Variants in DPP10 observed in about 807,000 individuals in gnomAD.
DPP10 encodes the protein dipeptidyl peptidase like 10.
Under a neutral mutation model 120.9 loss-of-function variants are expected in DPP10, and 33 were observed. The observed-to-expected ratio is 0.27, with a 90% CI of 0.21 to 0.37. The LOEUF (loss-of-function observed/expected upper bound fraction) is 0.37. Ranked by LOEUF, DPP10 falls within the 10% of genes least tolerant of loss-of-function variation. The pLI is 1.00. For synonymous variants in DPP10, 337 were observed against 326.1 expected, an observed-to-expected ratio of 1.03 and a Z score of -0.36; for missense variants, 816 against 942.8, an observed-to-expected ratio of 0.87 and a Z score of 1.76.
intron 1 of DPP10, among the ~76,000 whole-genome samples, chr2:114,878,193 A>G (rs1691310144): frequency 6.6e-6 from 1 of 152,072 alleles, no homozygotes; most frequent in Admixed American, 6.6e-5. Context: ...AGTCACTCAA[A>G]CGGATTGATT....
At chr2:114,523,941 A>G (rs948668726) in intron 1 of DPP10, among the ~76,000 whole-genome samples, 6 of 152,192 alleles carry the variant, frequency 3.9e-5, no homozygotes, top group South Asian at 4.1e-4. Flanking sequence ...TCGAAATGAA[A>G]AGAAATAATT....
chr2:115,291,346 C>T (rs918048696), intron 1 of DPP10, among the ~76,000 whole-genome samples: 21 of 151,992 alleles, frequency 1.4e-4, no homozygotes, highest in Admixed American at 1.1e-3. Flanking sequence ...GTTTCCCGGA[C>T]TAAATACTCA....
rs547453162 is a variant in DPP10, at chr2:115,133,178, G to GTT, written c.61-176047_61-176046dup. 4.5e-3 allele frequency among the ~76,000 whole-genome samples: 280 copies of GTT among 61,616 alleles called. 4 individuals carry two copies. The highest frequency in any genetic ancestry group is 0.019 in the African/African-American group (263 of 13,856). 40.4% of individuals were successfully genotyped at this position (61,616 alleles called of 152,430 possible). On this transcript the variant is annotated intron_variant, in intron 1 of 25. Coordinates refer to ENST00000410059, the MANE Select transcript of DPP10 (RefSeq NM_020868.6). The stretch of plus-strand genomic sequence containing the variant: ...ATATATATATATATATATATATATA[G>GTT]TTTTTTTTTTTTTTTCTTGAGACAG...
At chr2:114,673,748 G>C (rs1348184575) in intron 1 of DPP10, among the ~76,000 whole-genome samples, 1 of 151,996 alleles carries the variant, frequency 6.6e-6, no homozygotes, top group Non-Finnish European at 1.5e-5. Context: ...TTTTCTAAGT[G>C]TTATGAAAAA....
chr2:115,245,110 C>T (rs2058474521), intron 1 of DPP10, among the ~76,000 whole-genome samples: 1 of 151,924 alleles, frequency 6.6e-6, no homozygotes, highest in South Asian at 2.1e-4. Context: ...TTTTCCATCC[C>T]TGAGTTACTT....
intron 2 of DPP10, among the ~76,000 whole-genome samples, chr2:115,328,575 A>G (rs2062503122): frequency 6.6e-6 from 1 of 152,098 alleles, no homozygotes; most frequent in African/African-American, 2.4e-5. Flanking sequence ...GAATCCTAAG[A>G]GATGCAAGCT....
In DPP10 at chr2:114,919,881, G is replaced by A. The variant is rs549932115; in HGVS notation, c.61-389358G>A. On this transcript the variant is annotated intron_variant, in intron 1 of 25. Coordinates refer to ENST00000410059, the MANE Select transcript of DPP10 (RefSeq NM_020868.6). ...TGGGATAGAATGATTAGAAGAGACAGGTGCCAGTTGGTCACCTCTCCCTCC... is the reference window on the plus strand; with the variant it reads ...TGGGATAGAATGATTAGAAGAGACAAGTGCCAGTTGGTCACCTCTCCCTCC... Among the ~76,000 whole-genome samples the A allele has an allele frequency of 4.6e-5, 7 of 152,222 alleles. No homozygotes were observed. The East Asian group carries it at 1.4e-3, about 29-fold the overall frequency.
intron 1 of DPP10, among the ~76,000 whole-genome samples, chr2:114,533,391 GA>G (rs1489782572): frequency 6.6e-6 from 1 of 151,962 alleles, no homozygotes; most frequent in African/African-American, 2.4e-5. Context: ...CACTTCTTAA[GA>G]AAGGAAAAGG....
intron 1 of DPP10, among the ~76,000 whole-genome samples, chr2:115,126,666 G>GTTCCGA (rs1317166513): frequency 1.3e-4 from 20 of 152,234 alleles, no homozygotes; most frequent in African/African-American, 4.6e-4. Context: ...TGTTCTTGCT[G>GTTCCGA]TTCCGATGCT....
intron 1 of DPP10, among the ~76,000 whole-genome samples, chr2:115,157,673 C>T (rs1010677549): frequency 7.9e-5 from 12 of 152,094 alleles, no homozygotes; most frequent in Non-Finnish European, 1.5e-4. Context: ...ATTCAAAACC[C>T]GATTGAGGTG....
At chr2:115,373,731 A>T (rs36000676) in intron 3 of DPP10, among the ~76,000 whole-genome samples, 4,948 of 152,028 alleles carry the variant, frequency 0.033, 94 homozygotes, top group South Asian at 0.06. Context: ...GCTACAAATA[A>T]CCACCTGAGA....
intron 3 of DPP10, among the ~76,000 whole-genome samples, chr2:115,416,114 A>G (rs1053787388): frequency 2.0e-5 from 3 of 151,992 alleles, no homozygotes; most frequent in Non-Finnish European, 4.4e-5. Flanking sequence ...AATACTTGAA[A>G]TTATATTTTG....
Position 114,799,993 on chromosome 2 carries a change from T to A in DPP10, c.60+357155T>A, listed in dbSNP as rs528779096. Among the ~76,000 whole-genome samples, 3 of 152,366 alleles carry A rather than the reference T, an allele frequency of 2.0e-5. No individual in the cohort carries two copies. The South Asian group carries it at 6.2e-4, about 32-fold the overall frequency. ...AATATGAGGAATGTACAAACCTCTG[T>A]TATTTTGCACAGCTCAGTTTAACAC... On this transcript the variant is annotated intron_variant, in intron 1 of 25. Coordinates refer to ENST00000410059, the MANE Select transcript of DPP10 (RefSeq NM_020868.6).
At chr2:115,644,374 C>T (rs1304325577) in intron 5 of DPP10, among the ~76,000 whole-genome samples, 1 of 152,108 alleles carries the variant, frequency 6.6e-6, no homozygotes, top group Non-Finnish European at 1.5e-5. Context: ...CAAGTGTTCT[C>T]ATTGTTCAAT....
chr2:115,295,043 CAAAATGA>C (rs112716617), intron 1 of DPP10, among the ~76,000 whole-genome samples: 34 of 152,182 alleles, frequency 2.2e-4, no homozygotes, highest in African/African-American at 7.9e-4. Context: ...ATGATTCACG[CAAAATGA>C]ACTTTTAGAG....
At chr2:115,395,531 A>C (rs1574699069) in intron 3 of DPP10, among the ~76,000 whole-genome samples, 1 of 152,202 alleles carries the variant, frequency 6.6e-6, no homozygotes, top group East Asian at 1.9e-4. Flanking sequence ...CTTTCTTCCC[A>C]GGCCTTCCCT....
At chr2:115,665,353 T>C (rs2089362916) in intron 5 of DPP10, among the ~76,000 whole-genome samples, 1 of 152,212 alleles carries the variant, frequency 6.6e-6, no homozygotes, top group Non-Finnish European at 1.5e-5. Flanking sequence ...TTGAAAGATA[T>C]ACCATTATTT....
chr2:114,797,079 C>T (rs1191036099), intron 1 of DPP10, among the ~76,000 whole-genome samples: 1 of 152,146 alleles, frequency 6.6e-6, no homozygotes, highest in Admixed American at 6.5e-5. Flanking sequence ...TTTTCTATGA[C>T]CTCACCATGC....
chr2:115,661,923 A>C (rs192275159), intron 5 of DPP10, among the ~76,000 whole-genome samples: 135 of 152,302 alleles, frequency 8.9e-4, no homozygotes, highest in African/African-American at 3.1e-3. Context: ...TATATAAAAC[A>C]GTATCAACTA....
Sources: gnomAD v4.1 joint callset for allele counts (sites outside exome capture counted in the v4.1 genomes callset) on GRCh38, gnomAD v4.1.1 for gene constraint, MANE v1.5 for transcripts, NCBI Gene and HGNC (gene_info 2026-07-23, HGNC 2026-07-21) for gene names.